Variants in ERC2 observed in about 807,000 individuals in gnomAD.
ERC2 encodes the protein ERC protein 2.
A neutral mutation model predicts 114.8 loss-of-function variants in ERC2; 42 were observed. That is an observed-to-expected ratio of 0.37 (90% CI 0.29 to 0.47). The LOEUF is 0.47. Among genes scored for constraint, ERC2 ranks in the 20% least tolerant of loss-of-function variants. The pLI is 0.99. For missense variants in ERC2, 939 were observed against 1,150.7 expected (o/e 0.82, Z 2.66); for synonymous variants, 454 against 425.5 (o/e 1.07, Z -0.82).
chr3:55,885,717 T>C (rs55967115), intron 14 of ERC2, among the ~76,000 whole-genome samples: 13,689 of 152,252 alleles, frequency 0.09, 690 homozygotes, highest in South Asian at 0.17. Context: ...CTTCACAAAG[T>C]ATGCTAAACA....
At chr3:55,512,090 C>T (rs1272511814) in intron 17 of ERC2, among the ~76,000 whole-genome samples, 1 of 152,172 alleles carries the variant, frequency 6.6e-6, no homozygotes, top group African/African-American at 2.4e-5. Context: ...CACACACACT[C>T]GTGTACACAC....
chr3:56,192,002 A>G (rs1232079121), intron 3 of ERC2, among the ~76,000 whole-genome samples: 1 of 152,250 alleles, frequency 6.6e-6, no homozygotes, highest in Admixed American at 6.5e-5. Flanking sequence ...CATGTTAAGT[A>G]TACATGTTCT....
intron 17 of ERC2, among the ~76,000 whole-genome samples, chr3:55,539,155 A>G (rs1331775792): frequency 6.6e-6 from 1 of 152,188 alleles, no homozygotes; most frequent in Non-Finnish European, 1.5e-5. Context: ...AAACAGAGCT[A>G]CTAGGCATGA....
chr3:55,684,182 A>C (rs2062206931), intron 16 of ERC2, among the ~76,000 whole-genome samples: 1 of 152,200 alleles, frequency 6.6e-6, no homozygotes, highest in Non-Finnish European at 1.5e-5. Context: ...GAAAGCATGC[A>C]ATCTGAATTG....
rs529104590 is a variant in ERC2, at chr3:56,423,022, C to G, written c.657+11329G>C. On this transcript the variant is annotated intron_variant, in intron 2 of 17. Coordinates refer to ENST00000288221, the MANE Select transcript of ERC2 (RefSeq NM_015576.3). ...TAGGTTTATTTCCTTTATGAGTTGT[C>G]CATTTCCTTACAAGATTGACACCTA... 7.2e-5 allele frequency among the ~76,000 whole-genome samples: 11 copies of G among 152,262 alleles called. No individual in the cohort carries two copies. In the South Asian group the frequency reaches 1.7e-3, roughly 23 times the overall value.
At chr3:56,281,424 A>G (rs12633496) in intron 3 of ERC2, among the ~76,000 whole-genome samples, 32,791 of 74,638 alleles carry the variant, frequency 0.44, 8,017 homozygotes, top group Non-Finnish European at 0.61. Flanking sequence ...GTGACAGAGC[A>G]AGACTCCGTC....
intron 17 of ERC2, among the ~76,000 whole-genome samples, chr3:55,636,198 G>A (rs1478115200): frequency 6.6e-6 from 1 of 152,204 alleles, no homozygotes; most frequent in Non-Finnish European, 1.5e-5. Flanking sequence ...TTATAAAAAT[G>A]TATTTTCAAC....
chr3:56,417,618 T>A (rs2061218459), intron 2 of ERC2, among the ~76,000 whole-genome samples: 1 of 152,134 alleles, frequency 6.6e-6, no homozygotes, highest in South Asian at 2.1e-4. Flanking sequence ...TATTACCACA[T>A]CTATTTTACA....
At chr3:55,823,432 G>A (rs1447690929) in intron 14 of ERC2, among the ~76,000 whole-genome samples, 1 of 152,064 alleles carries the variant, frequency 6.6e-6, no homozygotes, top group Non-Finnish European at 1.5e-5. Context: ...TGCTGTCCTG[G>A]TAAACATCTT....
rs3055903 is a variant in ERC2, at chr3:56,313,001, CATATATATATATAT to C, written c.658-16580_658-16567del. Among the ~76,000 whole-genome samples, 123 of 43,884 alleles carry C rather than the reference CATATATATATATAT, an allele frequency of 2.8e-3. 2 individuals are homozygous for C. Among genetic ancestry groups the C allele is most frequent in the South Asian group, 6.8e-3 (5 of 736 alleles). The allele number at this position is 43,884 out of a possible 152,430, so 28.8% of individuals were successfully genotyped here. A position where few individuals can be genotyped will look rare whatever the true frequency, so the allele number is the denominator to read the frequency against. Reference sequence around the variant, plus strand: ...TTAATATTTAGTGAATATGTATATTCATATATATATATATATATATATATATATATATATATGGG... The same window carrying C: ...TTAATATTTAGTGAATATGTATATTCATATATATATATATATATATATGGG... On this transcript the variant is annotated intron_variant, in intron 2 of 17. Transcript: ENST00000288221.
At chr3:55,899,587 G>C (rs906337494) in intron 13 of ERC2, among the ~76,000 whole-genome samples, 1 of 152,128 alleles carries the variant, frequency 6.6e-6, no homozygotes, top group African/African-American at 2.4e-5. Flanking sequence ...CCCAATTGTT[G>C]AGATGTTCGT....
At chr3:56,084,948 G>A (rs2077428647) in intron 6 of ERC2, among the ~76,000 whole-genome samples, 1 of 151,702 alleles carries the variant, frequency 6.6e-6, no homozygotes, top group Non-Finnish European at 1.5e-5. Context: ...ACAATAGAAA[G>A]AGGACACTTA....
At chr3:55,860,280 C>T (rs1009131566) in intron 14 of ERC2, among the ~76,000 whole-genome samples, 1 of 152,188 alleles carries the variant, frequency 6.6e-6, no homozygotes, top group African/African-American at 2.4e-5. Context: ...GCAGTTCTTT[C>T]ATAGCCTTCC....
At chr3:55,810,741 T>G (rs1231792175) in intron 14 of ERC2, among the ~76,000 whole-genome samples, 1 of 152,226 alleles carries the variant, frequency 6.6e-6, no homozygotes, top group African/African-American at 2.4e-5. Context: ...ATTACAGGCG[T>G]GAGCCACCAC....
At chr3:56,021,672 G>C (rs1223348234) in intron 7 of ERC2, among the ~76,000 whole-genome samples, 1 of 151,984 alleles carries the variant, frequency 6.6e-6, no homozygotes, top group African/African-American at 2.4e-5. Flanking sequence ...CATTGCCCAG[G>C]CATTAAGCCC....
intron 1 of ERC2, among the ~76,000 whole-genome samples, chr3:56,457,164 A>G (rs938501909): frequency 6.6e-6 from 1 of 152,214 alleles, no homozygotes; most frequent in African/African-American, 2.4e-5. Flanking sequence ...CCCATTAAGT[A>G]CAAAGATTTT....
At chr3:55,594,147 G>C (rs1173592415) in intron 17 of ERC2, among the ~76,000 whole-genome samples, 1 of 152,036 alleles carries the variant, frequency 6.6e-6, no homozygotes, top group Admixed American at 6.5e-5. Flanking sequence ...TGTCTTCTTT[G>C]AGTTCCTTAC....
At chr3:56,177,615 G>A (rs2083051150) in intron 3 of ERC2, among the ~76,000 whole-genome samples, 1 of 152,146 alleles carries the variant, frequency 6.6e-6, no homozygotes, top group South Asian at 2.1e-4. Flanking sequence ...GGTTCACAGA[G>A]CCTGGATCAG....
intron 6 of ERC2, among the ~76,000 whole-genome samples, chr3:56,135,908 T>C (rs2080475464): frequency 6.6e-6 from 1 of 152,198 alleles, no homozygotes; most frequent in Non-Finnish European, 1.5e-5. Flanking sequence ...GGTAAGTTGG[T>C]ACAAAGGAAA....
Sources: gnomAD v4.1 joint callset for allele counts (sites outside exome capture counted in the v4.1 genomes callset) on GRCh38, gnomAD v4.1.1 for gene constraint, MANE v1.5 for transcripts, NCBI Gene and HGNC (gene_info 2026-07-23, HGNC 2026-07-21) for gene names.